Variants in PCLO observed in about 807,000 individuals in gnomAD.
The protein encoded by PCLO is piccolo presynaptic cytomatrix protein, also known as protein piccolo.
PCLO carries 82 observed loss-of-function variants against 427.5 expected under a neutral mutation model. The observed-to-expected ratio is 0.19, with a 90% CI of 0.16 to 0.23. The LOEUF is 0.23. Ranked by LOEUF, PCLO falls within the 10% of genes least tolerant of loss-of-function variation. The pLI, the probability that PCLO is intolerant of heterozygous loss-of-function variation, is 1.00. For missense variants in PCLO, 6,239 were observed against 6,115.9 expected, an observed-to-expected ratio of 1.02 and a Z score of -0.67; for synonymous variants, 2,357 against 2,155.4, an observed-to-expected ratio of 1.09 and a Z score of -2.59.
intron 22 of PCLO, among the ~76,000 whole-genome samples, chr7:82,793,438 G>C (rs555837330): frequency 6.6e-6 from 1 of 152,232 alleles, no homozygotes; most frequent in Non-Finnish European, 1.5e-5. Flanking sequence ...CTACAGGCTG[G>C]CTCTTCTGCT....
intron 6 of PCLO, among the ~76,000 whole-genome samples, chr7:82,948,612 T>C (rs1020230346): frequency 6.6e-6 from 1 of 152,172 alleles, no homozygotes; most frequent in South Asian, 2.1e-4. Context: ...ACTTTCTGAA[T>C]AGTTATGTAT....
intron 6 of PCLO, among the ~76,000 whole-genome samples, chr7:82,931,607 C>A (rs1405387372): frequency 6.6e-6 from 1 of 152,074 alleles, no homozygotes; most frequent in Admixed American, 6.6e-5. Context: ...GGACTGGGGG[C>A]TTCAGTTCCC....
chr7:82,889,469 T>C (rs1287247752), intron 9 of PCLO, among the ~76,000 whole-genome samples: 1 of 152,196 alleles, frequency 6.6e-6, no homozygotes, highest in Non-Finnish European at 1.5e-5. Flanking sequence ...CCCTGAAAAT[T>C]ATATGATTTA....
chr7:82,852,788 T>C (rs1471102923), intron 10 of PCLO, among the ~76,000 whole-genome samples: 1 of 152,124 alleles, frequency 6.6e-6, no homozygotes, highest in African/African-American at 2.4e-5. Flanking sequence ...GTATATTCAC[T>C]CTACTGTGCT....
At chr7:82,834,244 T>G (rs1792169848) in intron 16 of PCLO, among the ~76,000 whole-genome samples, 1 of 152,168 alleles carries the variant, frequency 6.6e-6, no homozygotes, top group South Asian at 2.1e-4. Flanking sequence ...ATAATGTGAT[T>G]AATAATATCT....
At chr7:82,847,609 A>C (rs1012254849) in intron 10 of PCLO, among the ~76,000 whole-genome samples, 1 of 152,144 alleles carries the variant, frequency 6.6e-6, no homozygotes, top group Middle Eastern at 3.2e-3. Context: ...ACCCCAATAT[A>C]ATTTTCCTGC....
chr7:83,022,123 G>C (rs1788358916), intron 3 of PCLO, among the ~76,000 whole-genome samples: 1 of 151,966 alleles, frequency 6.6e-6, no homozygotes, highest in Non-Finnish European at 1.5e-5. Flanking sequence ...CTCATGAATG[G>C]GATTAGTGCC....
chr7:82,916,511 C>G lies in PCLO; in HGVS notation c.11475G>C (p.Gln3825His). The G allele has an allele frequency of 1.7e-5, 27 of 1,613,692 alleles. No homozygotes were observed. Among genetic ancestry groups the G allele is most frequent in the Non-Finnish European group, 2.3e-5 (27 of 1,179,734 alleles). ...EREKRERAYL[Q>H]GVAEDRDYMS... ...TGTAATCACGATCCTCAGCTACTCC[C>G]TGGAGGTAGGCTCGTTCTCTCTTTT... is the stretch of plus-strand genomic sequence containing the variant. Residue 3825 changes from glutamine to histidine, a missense_variant, in exon 7 of 25, where the codon CAG becomes CAC. Physicochemically the swap from Gln to His is conservative, Grantham distance 24 (BLOSUM62 0). Coordinates refer to ENST00000333891, the MANE Select transcript of PCLO (RefSeq NM_033026.6).
chr7:83,050,009 T>A (rs1414783634), intron 3 of PCLO, among the ~76,000 whole-genome samples: 3 of 151,184 alleles, frequency 2.0e-5, no homozygotes, highest in Non-Finnish European at 4.4e-5. Context: ...TTCCGCTTCC[T>A]GACCCATATA....
chr7:83,119,219 C>T (rs1047267387), intron 3 of PCLO, among the ~76,000 whole-genome samples: 1 of 152,144 alleles, frequency 6.6e-6, no homozygotes, highest in African/African-American at 2.4e-5. Flanking sequence ...AAATCTAGTG[C>T]TGTGCTGGTT....
At chr7:83,088,343 G>A (rs932856785) in intron 3 of PCLO, among the ~76,000 whole-genome samples, 3 of 152,166 alleles carry the variant, frequency 2.0e-5, no homozygotes, top group Non-Finnish European at 4.4e-5. Context: ...CAAAGTGGAC[G>A]CACTGTGTGT....
Position 83,037,989 on chromosome 7 carries a change from TTATATATA to T in PCLO, c.3301-71510_3301-71503del, listed in dbSNP as rs1161030427. ...GTTGTGTGGAGGTGTAAGGAGGAGC[TTATATATA>T]TATATATATATATATATATATATAT... On this transcript the variant is annotated intron_variant, in intron 3 of 24. Transcript: ENST00000333891. Among the ~76,000 whole-genome samples the T allele has an allele frequency of 9.6e-3, 130 of 13,596 alleles. 6 individuals carry two copies. The highest frequency in any genetic ancestry group is 0.033 in the South Asian group (8 of 246). 8.9% of individuals were successfully genotyped at this position (13,596 alleles called of 152,430 possible).
chr7:82,913,579 G>A (rs1030659305), intron 7 of PCLO, among the ~76,000 whole-genome samples: 1 of 151,890 alleles, frequency 6.6e-6, no homozygotes, highest in African/African-American at 2.4e-5. Flanking sequence ...AGAGTCAAGA[G>A]TCATGAATCC....
chr7:83,155,861 A>C lies in PCLO; in HGVS notation c.780T>G (p.Gly260=), dbSNP rs777026150. The change falls in exon 2 of 25, where the codon GGT becomes GGG. Residue 260 remains glycine, a synonymous_variant. Transcript: ENST00000333891. ...GGTCTGTCTGAGGAGTCTGGGTAGG[A>C]CCCTGAATTGGCTTTCCTGTACCTG... ...QPPGTGKPIQ[G]PTQTPQTDHA... is the part of the protein sequence containing the mutation. 2.5e-6 allele frequency: 4 copies of C among 1,613,696 alleles called. No homozygotes were observed. Among genetic ancestry groups the C allele is most frequent in the Non-Finnish European group, 3.4e-6 (4 of 1,179,844 alleles).
At chr7:83,113,675 A>G (rs1791060983) in intron 3 of PCLO, among the ~76,000 whole-genome samples, 1 of 152,180 alleles carries the variant, frequency 6.6e-6, no homozygotes, top group African/African-American at 2.4e-5. Flanking sequence ...AAGCACCTGG[A>G]ATAATGCCTG....
intron 24 of PCLO, among the ~76,000 whole-genome samples, 176 bp downstream of exon 24, chr7:82,760,463 T>C (rs1790406648): frequency 6.6e-6 from 1 of 151,838 alleles, no homozygotes; most frequent in Admixed American, 6.6e-5. Context: ...GCTGATTGGA[T>C]GGGGTGAGTG....
At chr7:83,092,726 G>A (rs1453448949) in intron 3 of PCLO, among the ~76,000 whole-genome samples, 1 of 151,992 alleles carries the variant, frequency 6.6e-6, no homozygotes, top group African/African-American at 2.4e-5. Flanking sequence ...GAGGCAGGGG[G>A]ATCATGAGGT....
At chr7:82,810,008 T>C (rs893971046) in intron 20 of PCLO, among the ~76,000 whole-genome samples, 1 of 151,586 alleles carries the variant, frequency 6.6e-6, no homozygotes, top group African/African-American at 2.4e-5. Flanking sequence ...AAAATGAAAG[T>C]GACAAAAGAA....
intron 3 of PCLO, among the ~76,000 whole-genome samples, chr7:82,968,201 A>G (rs1795822231): frequency 6.6e-6 from 1 of 152,226 alleles, no homozygotes; most frequent in Non-Finnish European, 1.5e-5. Context: ...TGCCAATAAA[A>G]TATTAGGATA....
Sources: gnomAD v4.1 joint callset for allele counts (sites outside exome capture counted in the v4.1 genomes callset) on GRCh38, gnomAD v4.1.1 for gene constraint, MANE v1.5 for transcripts, NCBI Gene and HGNC (gene_info 2026-07-23, HGNC 2026-07-21) for gene names.